The following KCNH8 variants were observed in gnomAD, a reference collection of about 807,000 sequenced individuals.
KCNH8 encodes potassium voltage-gated channel subfamily H member 8.
KCNH8 carries 70 observed loss-of-function variants against 103.6 expected under a neutral mutation model. That is an observed-to-expected ratio of 0.68 (90% CI 0.56 to 0.82). The LOEUF is 0.82. KCNH8 is among the 40% of genes least tolerant of loss of function. KCNH8 has a pLI of 0.00. For synonymous variants in KCNH8, 498 were observed against 489.4 expected (o/e 1.02, Z -0.23); for missense variants, 1,217 against 1,329.9 (o/e 0.92, Z 1.32).
At chr3:19,473,666 G>C (rs2067909918) in intron 11 of KCNH8, among the ~76,000 whole-genome samples, 2 of 152,112 alleles carry the variant, frequency 1.3e-5, no homozygotes. Flanking sequence ...AGAAGATGCA[G>C]GTCTTCTTAT....
intron 1 of KCNH8, among the ~76,000 whole-genome samples, chr3:19,179,225 C>T (rs2063428689): frequency 6.6e-6 from 1 of 151,832 alleles, no homozygotes; most frequent in African/African-American, 2.4e-5. Flanking sequence ...TAACGCTTGC[C>T]AAATATGCAT....
chr3:19,251,259 T>A (rs1433401285), intron 1 of KCNH8, among the ~76,000 whole-genome samples: 3 of 152,012 alleles, frequency 2.0e-5, no homozygotes, highest in Admixed American at 1.3e-4. Context: ...CAACATACAA[T>A]GTGTAGTCAA....
chr3:19,435,415 C>T (rs968314488), intron 7 of KCNH8, among the ~76,000 whole-genome samples: 1 of 152,202 alleles, frequency 6.6e-6, no homozygotes, highest in Non-Finnish European at 1.5e-5. Flanking sequence ...TGTAATTGTA[C>T]CTATTCCATA....
At chr3:19,359,498 G>A (rs1211762227) in intron 5 of KCNH8, among the ~76,000 whole-genome samples, 1 of 151,828 alleles carries the variant, frequency 6.6e-6, no homozygotes, top group Non-Finnish European at 1.5e-5. Context: ...AAACGTGATC[G>A]ACACCTGATA....
At chr3:19,339,822 T>G (rs2065633771) in intron 3 of KCNH8, among the ~76,000 whole-genome samples, 1 of 151,990 alleles carries the variant, frequency 6.6e-6, no homozygotes, top group South Asian at 2.1e-4. Flanking sequence ...GTGGGGGTAA[T>G]TAAAGTCCGT....
intron 10 of KCNH8, among the ~76,000 whole-genome samples, chr3:19,453,544 T>C (rs1159132335): frequency 6.6e-6 from 1 of 152,150 alleles, no homozygotes; most frequent in African/African-American, 2.4e-5. Context: ...TTGTGGGTTA[T>C]GATCTGAATG....
chr3:19,194,700 A>T (rs1325451252), intron 1 of KCNH8, among the ~76,000 whole-genome samples: 1 of 151,886 alleles, frequency 6.6e-6, no homozygotes, highest in Non-Finnish European at 1.5e-5. Context: ...CTGGGTGATG[A>T]GATCAATCAT....
chr3:19,411,295 G>T (rs2125148306), intron 7 of KCNH8, among the ~76,000 whole-genome samples: 1 of 152,056 alleles, frequency 6.6e-6, no homozygotes, highest in Middle Eastern at 3.4e-3. Flanking sequence ...CACAGAAAAA[G>T]ATTTTGATAA....
chr3:19,467,981 C>T lies in KCNH8; in HGVS notation c.2040+10999C>T, dbSNP rs143158554. Among the ~76,000 whole-genome samples the T allele has an allele frequency of 7.9e-4, 120 of 152,228 alleles. 1 individual carries two copies. Among genetic ancestry groups the T allele is most frequent in the Middle Eastern group, 6.8e-3 (2 of 294 alleles). The stretch of plus-strand genomic sequence containing the variant: ...CCTCCCCTCCTCCCCACCTCTGCTG[C>T]CTCAGGGCCTTTGCATTTGATCTTC... On this transcript the variant is annotated intron_variant, in intron 11 of 15. Coordinates refer to ENST00000328405, the MANE Select transcript of KCNH8 (RefSeq NM_144633.3).
chr3:19,195,359 C>G (rs1393995763), intron 1 of KCNH8, among the ~76,000 whole-genome samples: 1 of 151,892 alleles, frequency 6.6e-6, no homozygotes, highest in Non-Finnish European at 1.5e-5. Flanking sequence ...CACAGCAGAA[C>G]TTCTTGGCCC....
intron 7 of KCNH8, among the ~76,000 whole-genome samples, chr3:19,424,893 A>G (rs1363849417): frequency 6.6e-6 from 1 of 152,304 alleles, no homozygotes; most frequent in East Asian, 1.9e-4. Context: ...TTTTTGCATT[A>G]TGAGTATTTC....
intron 11 of KCNH8, among the ~76,000 whole-genome samples, chr3:19,479,813 G>A (rs977465629): frequency 6.6e-6 from 1 of 152,138 alleles, no homozygotes; most frequent in Non-Finnish European, 1.5e-5. Context: ...ATCCCAAACA[G>A]TCACCAATAC....
At chr3:19,329,714 T>A (rs1303136272) in intron 3 of KCNH8, among the ~76,000 whole-genome samples, 1 of 152,148 alleles carries the variant, frequency 6.6e-6, no homozygotes, top group Non-Finnish European at 1.5e-5. Flanking sequence ...ATGGTTGATG[T>A]TAGGGATAGC....
intron 7 of KCNH8, among the ~76,000 whole-genome samples, chr3:19,419,492 G>T (rs937841690): frequency 6.6e-6 from 1 of 151,996 alleles, no homozygotes; most frequent in African/African-American, 2.4e-5. Context: ...GAGCCACCGC[G>T]CCCGGCCAAT....
chr3:19,513,375 A>G (rs374707531), intron 13 of KCNH8, 50 bp downstream of exon 13: 80 of 1,539,808 alleles, frequency 5.2e-5, no homozygotes, highest in Admixed American at 1.0e-4. Context: ...GCTGCCTTTT[A>G]TACAGAGTAG....
At chr3:19,403,928 A>G (rs780524886) in intron 7 of KCNH8, among the ~76,000 whole-genome samples, 53 of 151,830 alleles carry the variant, frequency 3.5e-4, no homozygotes, top group Non-Finnish European at 7.1e-4. Flanking sequence ...ATTATGCCCC[A>G]TATGACATTT....
At chr3:19,529,641 C>T in intron 15 of KCNH8, among the ~76,000 whole-genome samples, 1 of 152,242 alleles carries the variant, frequency 6.6e-6, no homozygotes, top group East Asian at 1.9e-4. Context: ...AACAAAAATG[C>T]AGTAAAACTT....
chr3:19,261,927 G>T (rs1413964449), intron 2 of KCNH8, among the ~76,000 whole-genome samples: 1 of 151,480 alleles, frequency 6.6e-6, no homozygotes. Flanking sequence ...ATATATGTTT[G>T]GATTTATATC....
intron 11 of KCNH8, among the ~76,000 whole-genome samples, chr3:19,506,777 A>C (rs780482590): frequency 2.0e-5 from 3 of 152,094 alleles, no homozygotes; most frequent in Non-Finnish European, 4.4e-5. Flanking sequence ...CAGAGTTGCT[A>C]CCAATCAGTA....
Sources: allele counts gnomAD v4.1 joint callset (sites outside exome capture counted in the v4.1 genomes callset), GRCh38; gene constraint gnomAD v4.1.1; transcripts MANE v1.5; gene names NCBI Gene and HGNC (gene_info 2026-07-23, HGNC 2026-07-21).